The following CAMSAP1 variants were observed in gnomAD, a reference collection of about 807,000 sequenced individuals.
The protein encoded by CAMSAP1 is calmodulin-regulated spectrin-associated protein 1.
Under a neutral mutation model 143.5 loss-of-function variants are expected in CAMSAP1, and 58 were observed. The observed-to-expected ratio is 0.40, with a 90% confidence interval of 0.33 to 0.50. The LOEUF (loss-of-function observed/expected upper bound fraction) is 0.50. CAMSAP1 is among the 20% of genes least tolerant of loss of function. The probability of loss-of-function intolerance (pLI) is 0.45; values close to 1 mark genes in which losing one functional copy is unlikely to be tolerated. For missense variants in CAMSAP1, 1,969 were observed against 2,115.7 expected (o/e 0.93, Z 1.36); for synonymous variants, 945 against 859.3 (o/e 1.10, Z -1.74).
At chr9:135,903,064 G>T (rs1385760770) in intron 1 of CAMSAP1, among the ~76,000 whole-genome samples, 1 of 152,148 alleles carries the variant, frequency 6.6e-6, no homozygotes, top group Non-Finnish European at 1.5e-5. Context: ...TCTCCACATT[G>T]TCCCCTGAAA....
In CAMSAP1 at chr9:135,876,124, G is replaced by T. The variant is rs181952486; in HGVS notation, c.585+5509C>A. 6.6e-3 allele frequency among the ~76,000 whole-genome samples: 1,003 copies of T among 152,208 alleles called. 6 individuals are homozygous for T. The highest frequency in any genetic ancestry group is 0.022 in the African/African-American group (929 of 41,542). Reference sequence around the variant, plus strand: ...GCGCCCGCCATCACGCCTAATTTTTGTATTTTCAGTAGAGACACGGTTTCA... The same window carrying T: ...GCGCCCGCCATCACGCCTAATTTTTTTATTTTCAGTAGAGACACGGTTTCA... On this transcript the variant is annotated intron_variant, in intron 3 of 16. Coordinates refer to ENST00000389532, the MANE Select transcript of CAMSAP1 (RefSeq NM_015447.4).
At chr9:135,841,479 C>CAT (rs1836349962) in intron 7 of CAMSAP1, among the ~76,000 whole-genome samples, 1 of 152,236 alleles carries the variant, frequency 6.6e-6, no homozygotes, top group South Asian at 2.1e-4. Context: ...GTGGCTCTCC[C>CAT]AGCACAGCGC....
chr9:135,896,222 T>C (rs553878806), intron 1 of CAMSAP1, among the ~76,000 whole-genome samples: 16 of 152,086 alleles, frequency 1.1e-4, no homozygotes, highest in Admixed American at 1.0e-3. Context: ...GGAAAAAAGA[T>C]ACGCCATTCA....
intron 1 of CAMSAP1, among the ~76,000 whole-genome samples, chr9:135,890,372 G>A (rs1271435256): frequency 6.6e-6 from 1 of 152,120 alleles, no homozygotes; most frequent in Non-Finnish European, 1.5e-5. Context: ...GGAATCACCA[G>A]GCCAAGTTCA....
intron 4 of CAMSAP1, among the ~76,000 whole-genome samples, chr9:135,863,144 A>G: frequency 6.6e-6 from 1 of 152,174 alleles, no homozygotes; most frequent in South Asian, 2.1e-4. Flanking sequence ...TAACACAACC[A>G]CCACCACTCT....
chr9:135,883,088 G>A lies in CAMSAP1; in HGVS notation c.161-10C>T. On this transcript the variant is annotated splice_polypyrimidine_tract_variant and intron_variant, in intron 1 of 16. Coordinates refer to ENST00000389532, the MANE Select transcript of CAMSAP1 (RefSeq NM_015447.4). Reference sequence around the variant, plus strand: ...TCCTCAGGGATGTTATCTAAGACAGGGAGGGGATGACCAGGTGAGTGCCAC... The same window carrying A: ...TCCTCAGGGATGTTATCTAAGACAGAGAGGGGATGACCAGGTGAGTGCCAC... 3 of 1,551,396 alleles carry A rather than the reference G, an allele frequency of 1.9e-6. No individual in the cohort carries two copies. Among genetic ancestry groups the A allele is most frequent in the Non-Finnish European group, 2.6e-6 (3 of 1,146,820 alleles).
At chr9:135,827,366 A>G in intron 8 of CAMSAP1, 41 bp downstream of exon 8, 1 of 1,436,130 alleles carries the variant, frequency 7.0e-7, no homozygotes, top group Non-Finnish European at 9.3e-7. Flanking sequence ...AAAGGGACAC[A>G]AGATGGTGAA....
At chr9:135,899,134 G>A (rs945440173) in intron 1 of CAMSAP1, among the ~76,000 whole-genome samples, 4 of 152,196 alleles carry the variant, frequency 2.6e-5, no homozygotes, top group African/African-American at 7.2e-5. Context: ...AGCCCTGGGT[G>A]GGTCCTGCCG....
Position 135,824,031 on chromosome 9 carries a change from T to G in CAMSAP1, c.1319A>C (p.Gln440Pro). The G allele has an allele frequency of 6.3e-7, 1 of 1,579,118 alleles. No homozygotes were observed. ...KSIQGEDIPD[Q>P]RHRSNSLTRV... ...GGTCAAAGAATTCGATCGATGTCGC[T>G]GATCTGCAGTACAGAGGAATTAGAT... The change falls in exon 10 of 17, where the codon CAG (glutamine) becomes CCG (proline). Residue 440 changes from glutamine (Q) to proline (P), a missense_variant. By Grantham distance (76) the Gln-to-Pro change is moderately conservative. Around this residue, in one of 4 missense-constraint regions of CAMSAP1, gnomAD observed 1,390 missense variants for 1,420.8 expected, o/e 0.98. Coordinates refer to ENST00000389532, the MANE Select transcript of CAMSAP1 (RefSeq NM_015447.4). This position sits in a 1 kb window ranked among gnomAD's most constrained non-coding sequence, Gnocchi z 4.1.
At chr9:135,883,202 T>C (rs910568502) in intron 1 of CAMSAP1, 124 bp from the exon 2 acceptor site, 2 of 1,028,722 alleles carry the variant, frequency 1.9e-6, no homozygotes, top group South Asian at 3.4e-5. Context: ...GGAGACCAAG[T>C]GTCAAAAAAA....
At position 135,824,728 on chromosome 9, in the gene CAMSAP1, T is replaced by C. The variant is rs1835610304; in HGVS notation, c.1315+61A>G. On this transcript the variant is annotated intron_variant, in intron 9 of 16. Transcript: ENST00000389532. This position sits in a 1 kb window ranked among gnomAD's most constrained non-coding sequence, Gnocchi z 4.1. ...TAAAATGATTTAATTTTGAGAAATATGATTTTACTAATCTATAGTAAGGAG... is the reference window on the plus strand; with the variant it reads ...TAAAATGATTTAATTTTGAGAAATACGATTTTACTAATCTATAGTAAGGAG... 4 of 1,156,676 alleles carry C rather than the reference T, an allele frequency of 3.5e-6. No individual in the cohort carries two copies. The highest frequency in any genetic ancestry group is 2.7e-5 in the East Asian group (1 of 37,082). 71.7% of individuals were successfully genotyped at this position (1,156,676 alleles called of 1,614,324 possible).
chr9:135,823,868 G>C, intron 10 of CAMSAP1, 82 bp downstream of exon 10: 1 of 1,074,062 alleles, frequency 9.3e-7, no homozygotes. Context: ...GTGATCCTCA[G>C]GGGGTTGGGG....
At chr9:135,881,335 G>C (rs1019356720) in intron 3 of CAMSAP1, among the ~76,000 whole-genome samples, 5 of 151,792 alleles carry the variant, frequency 3.3e-5, no homozygotes, top group African/African-American at 1.2e-4. Context: ...TCCAGCCTGG[G>C]GGACAAAGTG....
At chr9:135,866,623 C>G in intron 3 of CAMSAP1, 87 bp from the exon 4 acceptor site, 1 of 688,608 alleles carries the variant, frequency 1.5e-6, no homozygotes, top group South Asian at 1.6e-5. Context: ...ACCCCCACTT[C>G]ACCTGATTCA....
At chr9:135,899,381 G>C (rs1344699403) in intron 1 of CAMSAP1, among the ~76,000 whole-genome samples, 1 of 150,012 alleles carries the variant, frequency 6.7e-6, no homozygotes, top group South Asian at 2.1e-4. Flanking sequence ...TTGAGCCCAG[G>C]AGTTCGAGAC....
chr9:135,833,370 C>T (rs569050866), intron 7 of CAMSAP1, among the ~76,000 whole-genome samples: 110 of 152,224 alleles, frequency 7.2e-4, no homozygotes, highest in African/African-American at 2.5e-3. Flanking sequence ...CGTGAGCCAC[C>T]GCGCCCGGCC....
chr9:135,857,301 A>C (rs1317130969), intron 5 of CAMSAP1, among the ~76,000 whole-genome samples: 1 of 151,152 alleles, frequency 6.6e-6, no homozygotes, highest in Non-Finnish European at 1.5e-5. Flanking sequence ...CTTATTTCCC[A>C]TCTCTTTGCT....
intron 4 of CAMSAP1, chr9:135,865,509 G>T (rs1040332461): frequency 1.4e-6 from 1 of 697,460 alleles, no homozygotes; most frequent in Non-Finnish European, 2.4e-6. Flanking sequence ...CTAAGTGTAC[G>T]TGGCCATAGT....
Position 135,815,899 on chromosome 9 carries a change from C to T in CAMSAP1, c.4378G>A (p.Glu1460Lys), listed in dbSNP as rs1250332952. Reference protein sequence around the residue: ...SAASSLASVAEYTGPKLFKEP... With the variant: ...SAASSLASVAKYTGPKLFKEP... ...GGGCGAACGCCGTCACCTGTGTACT[C>T]GGCCACTGAGGCCAGGGAAGATGCC... Residue 1460 changes from glutamate to lysine, a missense_variant, in exon 15 of 17, where the codon GAG (glutamate) becomes AAG (lysine). By Grantham distance (56) the Glu-to-Lys change is moderately conservative. This residue lies in a region of CAMSAP1 where 143 missense variants were observed against 200.6 expected (regional missense o/e 0.71). Coordinates refer to ENST00000389532, the MANE Select transcript of CAMSAP1 (RefSeq NM_015447.4). The T allele has an allele frequency of 3.1e-6, 5 of 1,613,424 alleles. No homozygotes were observed. Among genetic ancestry groups the T allele is most frequent in the Admixed American group, 1.7e-5 (1 of 60,016 alleles).
Sources: allele counts gnomAD v4.1 joint callset (sites outside exome capture counted in the v4.1 genomes callset), GRCh38; gene constraint gnomAD v4.1.1; regional missense constraint gnomAD v4.1.1; non-coding constraint Gnocchi (gnomAD v3.1); transcripts MANE v1.5; gene names NCBI Gene and HGNC (gene_info 2026-07-23, HGNC 2026-07-21).